Variants in OSBPL5 observed in about 807,000 individuals in gnomAD.
The protein encoded by OSBPL5 is oxysterol-binding protein-related protein 5.
OSBPL5 carries 71 observed loss-of-function variants against 111.2 expected under a neutral mutation model. The ratio of observed to expected loss-of-function variants is 0.64; its 90% CI spans 0.53 to 0.78. The LOEUF (loss-of-function observed/expected upper bound fraction) is 0.78, where lower values mean the gene tolerates loss of function less well. Ranked by LOEUF, OSBPL5 falls within the 30% of genes least tolerant of loss-of-function variation. The pLI is 0.00. For synonymous variants in OSBPL5, 549 were observed against 513.9 expected (o/e 1.07, Z -0.93); for missense variants, 1,210 against 1,189.3 (o/e 1.02, Z -0.26).
At chr11:3,135,071 C>T (rs1196412108) in intron 1 of OSBPL5, among the ~76,000 whole-genome samples, 2 of 152,240 alleles carry the variant, frequency 1.3e-5, no homozygotes, top group African/African-American at 4.8e-5. Context: ...GGAGACCCAG[C>T]CCCTTTGTCC....
intron 1 of OSBPL5, among the ~76,000 whole-genome samples, chr11:3,147,715 T>C (rs1262079287): frequency 6.6e-6 from 1 of 152,076 alleles, no homozygotes; most frequent in Non-Finnish European, 1.5e-5. Context: ...TTTATGGGAG[T>C]GAGCGTGTCC....
In OSBPL5 at chr11:3,134,868, G is replaced by A. The variant is rs114879896; in HGVS notation, c.-21-5699C>T. Among the ~76,000 whole-genome samples the A allele has an allele frequency of 4.9e-3, 749 of 152,278 alleles. 4 individuals are homozygous for A. The highest frequency in any genetic ancestry group is 0.014 in the African/African-American group (586 of 41,548). On this transcript the variant is annotated intron_variant, in intron 1 of 21. Coordinates refer to ENST00000263650, the MANE Select transcript of OSBPL5 (RefSeq NM_020896.4). The stretch of plus-strand genomic sequence containing the variant: ...TGGGGGAGGGGCAAGTGTGGGTGCC[G>A]GGTGCAGGCCCGTGGGCAGGGCCAA...
intron 14 of OSBPL5, chr11:3,094,570 C>T (rs1220734405): frequency 7.9e-6 from 4 of 505,314 alleles, no homozygotes; most frequent in East Asian, 6.7e-5. Context: ...CTGGGAGGCA[C>T]GGAGCCTGGG....
At chr11:3,093,125 C>T in intron 17 of OSBPL5, 73 bp from the exon 18 acceptor site, 1 of 1,410,076 alleles carries the variant, frequency 7.1e-7, no homozygotes, top group Non-Finnish European at 9.3e-7. Flanking sequence ...AATCAGGGCC[C>T]CTTGGCACCA....
chr11:3,112,203 G>A (rs913403699), intron 7 of OSBPL5, among the ~76,000 whole-genome samples: 3 of 152,068 alleles, frequency 2.0e-5, no homozygotes, highest in Non-Finnish European at 2.9e-5. Context: ...GTCTTTTTTT[G>A]AGCAAAAGGG....
intron 1 of OSBPL5, among the ~76,000 whole-genome samples, chr11:3,134,722 G>A (rs533455945): frequency 1.2e-4 from 19 of 152,354 alleles, no homozygotes; most frequent in Middle Eastern, 3.4e-3. Context: ...GCCATGTGGC[G>A]GGATGGGCCG....
chr11:3,164,903 G>A (rs975238795), intron 1 of OSBPL5, among the ~76,000 whole-genome samples: 25 of 152,096 alleles, frequency 1.6e-4, no homozygotes, highest in African/African-American at 5.3e-4. Flanking sequence ...GTGGGGAGCC[G>A]AGCTGGGCGC....
At chr11:3,114,001 G>T (rs1858109336) in intron 7 of OSBPL5, among the ~76,000 whole-genome samples, 1 of 152,104 alleles carries the variant, frequency 6.6e-6, no homozygotes, top group Non-Finnish European at 1.5e-5. Context: ...CTAGGTAAAT[G>T]ATTAAAATAA....
rs994546019 is a variant in OSBPL5 at position 3,094,126 on chromosome 11, T to A, written c.1719+111A>T. 11 of 1,054,228 alleles carry A rather than the reference T, an allele frequency of 1.0e-5. No homozygotes were observed. The South Asian group carries it at 1.3e-4, about 13-fold the overall frequency. 65.3% of individuals were successfully genotyped at this position (1,054,228 alleles called of 1,614,324 possible). A position where few individuals can be genotyped will look rare whatever the true frequency, so the allele number is the denominator to read the frequency against. ...GGGATGTCAACAGCTGCTCCCCTTA[T>A]GTGCACTGCCTTGGGGAACCTTCCT... On this transcript the variant is annotated intron_variant, in intron 15 of 21. Coordinates refer to ENST00000263650, the MANE Select transcript of OSBPL5 (RefSeq NM_020896.4).
Position 3,107,552 on chromosome 11 carries a change from C to A in OSBPL5, c.867-97G>T, listed in dbSNP as rs774922247. The A allele has an allele frequency of 2.8e-6, 4 of 1,434,540 alleles. No individual in the cohort carries two copies. In the Admixed American group the frequency reaches 5.6e-5, roughly 20 times the overall value. The allele number at this position is 1,434,540 out of a possible 1,614,324, so 88.9% of individuals were successfully genotyped here. A position where few individuals can be genotyped will look rare whatever the true frequency, so the allele number is the denominator to read the frequency against. ...CCCTCGCTGCTCCGCACTTCACATACGTTCCTGCCTGTCGTCACCTCCACA... is the reference window on the plus strand; with the variant it reads ...CCCTCGCTGCTCCGCACTTCACATAAGTTCCTGCCTGTCGTCACCTCCACA... On this transcript the variant is annotated intron_variant, in intron 8 of 21. Coordinates refer to ENST00000263650, the MANE Select transcript of OSBPL5 (RefSeq NM_020896.4). This position sits in a 1 kb window ranked among gnomAD's most constrained non-coding sequence, Gnocchi z 6.1.
In OSBPL5 at chr11:3,104,168, G is replaced by T. The variant is rs1338971167; in HGVS notation, c.1244+25C>A. ...ATGCAGATGCAGGACGAGGTGTGGG[G>T]TGCCCCTCCCGGCATGGCGCGCACC... is the stretch of plus-strand genomic sequence containing the variant. On this transcript the variant is annotated intron_variant, in intron 10 of 21. Transcript: ENST00000263650. The surrounding 1 kb of genome is among the most constrained non-coding windows in gnomAD (Gnocchi z 5.0). The T allele has an allele frequency of 6.3e-7, 1 of 1,586,822 alleles. No individual in the cohort carries two copies. Among genetic ancestry groups the T allele is most frequent in the Admixed American group, 1.7e-5 (1 of 58,996 alleles).
rs1369879496 is a variant in OSBPL5, at chr11:3,089,841, C to T, written c.2501+5G>A. ...GTCTGGATGGACACCCTGAGTGTGG[C>T]CCACCTGTGCAGCTCCTGCTGGGCC... is the stretch of plus-strand genomic sequence containing the variant. On this transcript the variant is annotated splice_donor_5th_base_variant and intron_variant, in intron 21 of 21. Transcript: ENST00000263650. 6.4e-7 allele frequency: 1 copy of T among 1,555,996 alleles called. No homozygotes were observed. Among genetic ancestry groups the T allele is most frequent in the Non-Finnish European group, 8.7e-7 (1 of 1,150,004 alleles).
intron 1 of OSBPL5, among the ~76,000 whole-genome samples, chr11:3,134,890 C>T (rs1160432485): frequency 1.3e-5 from 2 of 152,176 alleles, no homozygotes; most frequent in African/African-American, 2.4e-5. Context: ...GTGGGCAGGG[C>T]CAACCACCAG....
chr11:3,093,858 G>C (rs1296793306), intron 15 of OSBPL5, 23 bp from the exon 16 acceptor site: 3 of 1,601,114 alleles, frequency 1.9e-6, no homozygotes, highest in Non-Finnish European at 2.6e-6. Flanking sequence ...ACCCAGAACA[G>C]AGCCCAGTGA....
At chr11:3,128,971 C>G in intron 2 of OSBPL5, 42 bp downstream of exon 2, 33 of 1,462,464 alleles carry the variant, frequency 2.3e-5, no homozygotes, top group Non-Finnish European at 3.0e-5. Flanking sequence ...CCACCGGGCC[C>G]AAGCTGAGGG....
Position 3,104,028 on chromosome 11 carries a change from G to A in OSBPL5, c.1244+165C>T, listed in dbSNP as rs1277349891. Among the ~76,000 whole-genome samples, 3 of 152,184 alleles carry A rather than the reference G, an allele frequency of 2.0e-5. No homozygotes were observed. The highest frequency in any genetic ancestry group is 2.9e-5 in the Non-Finnish European group (2 of 68,038). On this transcript the variant is annotated intron_variant, in intron 10 of 21. Coordinates refer to ENST00000263650, the MANE Select transcript of OSBPL5 (RefSeq NM_020896.4). This position sits in a 1 kb window ranked among gnomAD's most constrained non-coding sequence, Gnocchi z 5.0. The stretch of plus-strand genomic sequence containing the variant: ...GGCTGGCTCCTCCCAGGCCCATCTT[G>A]GAGACAGGGCCCCCTGGGAGGCTAC...
intron 1 of OSBPL5, among the ~76,000 whole-genome samples, chr11:3,153,611 C>T (rs1042210525): frequency 4.0e-5 from 6 of 151,422 alleles, no homozygotes; most frequent in Non-Finnish European, 5.9e-5. Context: ...CAGGAACAGG[C>T]GCCCACCAGA....
intron 14 of OSBPL5, 38 bp from the exon 15 acceptor site, chr11:3,094,372 G>T (rs374769615): frequency 1.3e-6 from 2 of 1,552,592 alleles, no homozygotes; most frequent in Non-Finnish European, 1.8e-6. Context: ...GGCGGCCCCA[G>T]CCCTGCTGAG....
At chr11:3,131,684 AC>A (rs1845790772) in intron 1 of OSBPL5, among the ~76,000 whole-genome samples, 2 of 140,448 alleles carry the variant, frequency 1.4e-5, no homozygotes, top group East Asian at 2.3e-4. Context: ...CCATCCACCC[AC>A]CCACCCATTC....
Sources: gnomAD v4.1 joint callset for allele counts (sites outside exome capture counted in the v4.1 genomes callset) on GRCh38, gnomAD v4.1.1 for gene constraint, Gnocchi (gnomAD v3.1) non-coding constraint, MANE v1.5 for transcripts, NCBI Gene and HGNC (gene_info 2026-07-23, HGNC 2026-07-21) for gene names.